Variants in DOCK3 observed in about 807,000 individuals in gnomAD.
DOCK3 encodes dedicator of cytokinesis protein 3.
In DOCK3, 60 loss-of-function variants were observed where a neutral mutation model predicts 265.6. The ratio of observed to expected loss-of-function variants is 0.23; its 90% CI spans 0.18 to 0.28. The LOEUF (loss-of-function observed/expected upper bound fraction) is 0.28, where lower values mean the gene tolerates loss of function less well. Among genes scored for constraint, DOCK3 ranks in the 10% least tolerant of loss-of-function variants. The pLI is 1.00. For missense variants in DOCK3, 1,981 were observed against 2,594.3 expected (o/e 0.76, Z 5.14); for synonymous variants, 881 against 938.0 (o/e 0.94, Z 1.11).
In DOCK3 at chr3:51,089,106, T is replaced by A. The variant is rs377349767; in HGVS notation, c.550-137T>A. The A allele has an allele frequency of 7.4e-6, 7 of 944,950 alleles. No homozygotes were observed. The East Asian group carries it at 1.9e-4, about 25-fold the overall frequency. 58.5% of individuals were successfully genotyped at this position (944,950 alleles called of 1,614,324 possible). A position where few individuals can be genotyped will look rare whatever the true frequency, so the allele number is the denominator to read the frequency against. On this transcript the variant is annotated intron_variant, in intron 7 of 52. Coordinates refer to ENST00000266037, the MANE Select transcript of DOCK3 (RefSeq NM_004947.5). ...TGTCTCCACCAAATACGAATAACACTTATTTTACAAAGTTATCAGAATTAA... is the reference window on the plus strand; with the variant it reads ...TGTCTCCACCAAATACGAATAACACATATTTTACAAAGTTATCAGAATTAA...
chr3:50,968,808 C>G (rs2077110069), intron 5 of DOCK3, among the ~76,000 whole-genome samples: 1 of 152,226 alleles, frequency 6.6e-6, no homozygotes, highest in Non-Finnish European at 1.5e-5. Context: ...CCTCGGCCTC[C>G]CAAAGTCCTG....
rs536271431 is a variant in DOCK3, at chr3:51,337,735, T to A, written c.3612-624T>A. Among the ~76,000 whole-genome samples the A allele has an allele frequency of 2.0e-5, 3 of 152,304 alleles. No homozygotes were observed. The East Asian group carries it at 5.8e-4, about 29-fold the overall frequency. Reference sequence around the variant, plus strand: ...AGATCCATTCTCAGTGTTCCTATTTTCCTATCTCTCACAGGCCATCCCTGA... The same window carrying A: ...AGATCCATTCTCAGTGTTCCTATTTACCTATCTCTCACAGGCCATCCCTGA... On this transcript the variant is annotated intron_variant, in intron 35 of 52. Transcript: ENST00000266037.
intron 12 of DOCK3, among the ~76,000 whole-genome samples, chr3:51,165,967 T>G (rs1421818450): frequency 6.7e-6 from 1 of 150,268 alleles, no homozygotes. Flanking sequence ...CATTCATCCG[T>G]CACTTCCCAT....
chr3:50,850,171 A>G (rs531360725), intron 3 of DOCK3, among the ~76,000 whole-genome samples: 6 of 151,802 alleles, frequency 4.0e-5, no homozygotes, highest in Non-Finnish European at 8.8e-5. Flanking sequence ...ACCTGAGCTC[A>G]GGAGTTTGAG....
chr3:50,921,118 T>C (rs187752646), intron 4 of DOCK3, among the ~76,000 whole-genome samples: 32 of 152,354 alleles, frequency 2.1e-4, no homozygotes, highest in Non-Finnish European at 3.8e-4. Context: ...GAGAGACAGT[T>C]TGTTACAATT....
chr3:51,274,978 C>G (rs1460466249), intron 24 of DOCK3, 101 bp from the exon 25 acceptor site: 1 of 1,477,722 alleles, frequency 6.8e-7, no homozygotes, highest in Non-Finnish European at 9.4e-7. Context: ...AGTCTGAACC[C>G]CACCTGCTTT....
intron 4 of DOCK3, among the ~76,000 whole-genome samples, chr3:50,890,860 T>C (rs756268370): frequency 1.3e-5 from 2 of 152,012 alleles, no homozygotes; most frequent in African/African-American, 2.4e-5. Flanking sequence ...TGTGGGAAAT[T>C]ATTTACACAC....
chr3:51,267,396 T>C (rs2080249438), intron 23 of DOCK3, among the ~76,000 whole-genome samples: 1 of 151,220 alleles, frequency 6.6e-6, no homozygotes, highest in Non-Finnish European at 1.5e-5. Context: ...TTTTTTTTTT[T>C]TTTTTGAGAT....
intron 2 of DOCK3, among the ~76,000 whole-genome samples, chr3:50,807,151 T>G (rs1234133924): frequency 6.6e-6 from 1 of 152,144 alleles, no homozygotes; most frequent in Non-Finnish European, 1.5e-5. Context: ...CTTCAACACT[T>G]CAGTCAAATC....
At chr3:51,201,048 C>T (rs1418790335) in intron 12 of DOCK3, among the ~76,000 whole-genome samples, 7 of 151,876 alleles carry the variant, frequency 4.6e-5, no homozygotes, top group South Asian at 2.1e-4. Context: ...AAGGAACAAC[C>T]GGTACCAGCC....
At chr3:51,131,085 A>G (rs2084511568) in intron 9 of DOCK3, among the ~76,000 whole-genome samples, 1 of 152,110 alleles carries the variant, frequency 6.6e-6, no homozygotes, top group Non-Finnish European at 1.5e-5. Flanking sequence ...CCACCGTAAT[A>G]GCCCTCTCCC....
intron 9 of DOCK3, among the ~76,000 whole-genome samples, chr3:51,134,668 G>A (rs1000839652): frequency 6.6e-6 from 1 of 152,080 alleles, no homozygotes; most frequent in Admixed American, 6.5e-5. Flanking sequence ...AGCACCTCTA[G>A]GAGCCTATGC....
rs1202361036 is a variant in DOCK3 at position 51,280,239 on chromosome 3, A to G, written c.2922+35A>G. 13 of 1,593,458 alleles carry G rather than the reference A, an allele frequency of 8.2e-6. 1 individual carries two copies. Among genetic ancestry groups the G allele is most frequent in the Admixed American group, 5.1e-5 (3 of 58,802 alleles). On this transcript the variant is annotated intron_variant, in intron 27 of 52. Coordinates refer to ENST00000266037, the MANE Select transcript of DOCK3 (RefSeq NM_004947.5). ...AGAACACCTTTCCTCTGGGAGAGGA[A>G]GTGTGCAGCCAGCACTCCCCAGGGG... is the stretch of plus-strand genomic sequence containing the variant.
intron 3 of DOCK3, chr3:50,877,240 C>T (rs2047747567): frequency 9.1e-6 from 3 of 331,186 alleles, no homozygotes; most frequent in Non-Finnish European, 1.2e-5. Flanking sequence ...CTTACGGAGC[C>T]TTCTTAACCC....
At chr3:51,286,086 A>G (rs2109067245) in intron 27 of DOCK3, among the ~76,000 whole-genome samples, 1 of 152,322 alleles carries the variant, frequency 6.6e-6, no homozygotes, top group East Asian at 1.9e-4. Context: ...CTCTTTCCAA[A>G]AGTTCCTAGA....
intron 16 of DOCK3, 64 bp downstream of exon 16, chr3:51,227,509 G>T: frequency 6.3e-7 from 1 of 1,593,278 alleles, no homozygotes; most frequent in Non-Finnish European, 8.6e-7. Context: ...CTCCTCTCTT[G>T]AACAGAATTA....
intron 1 of DOCK3, among the ~76,000 whole-genome samples, chr3:50,699,464 T>C (rs971358220): frequency 1.3e-5 from 2 of 151,764 alleles, no homozygotes; most frequent in African/African-American, 4.8e-5. Context: ...TTTTTTTTTT[T>C]TTTTTTGAGA....
intron 1 of DOCK3, among the ~76,000 whole-genome samples, chr3:50,701,553 T>C (rs2036041349): frequency 6.6e-6 from 1 of 152,220 alleles, no homozygotes. Flanking sequence ...TTACTCTGTT[T>C]ATTGTTTTCT....
chr3:51,068,991 ATTAT>A (rs1419062913), intron 6 of DOCK3, among the ~76,000 whole-genome samples: 2 of 152,176 alleles, frequency 1.3e-5, no homozygotes, highest in Admixed American at 1.3e-4. Flanking sequence ...GAGATTAGGA[ATTAT>A]TTATTTGGCC....
Sources: allele counts gnomAD v4.1 joint callset (sites outside exome capture counted in the v4.1 genomes callset), GRCh38; gene constraint gnomAD v4.1.1; transcripts MANE v1.5; gene names NCBI Gene and HGNC (gene_info 2026-07-23, HGNC 2026-07-21).